ATRNL1: variants seen among roughly 807,000 people sequenced by gnomAD.
ATRNL1 encodes the protein attractin-like protein 1.
A neutral mutation model predicts 182.7 loss-of-function variants in ATRNL1; 95 were observed. The observed-to-expected ratio is 0.52, with a 90% confidence interval of 0.44 to 0.62. The LOEUF (loss-of-function observed/expected upper bound fraction) is 0.62. ATRNL1 is among the 20% of genes least tolerant of loss of function. The pLI is 0.00. For synonymous variants in ATRNL1, 576 were observed against 568.3 expected (o/e 1.01, Z -0.19); for missense variants, 1,471 against 1,679.5 (o/e 0.88, Z 2.17).
At chr10:115,143,832 T>A (rs888011511) in intron 5 of ATRNL1, among the ~76,000 whole-genome samples, 1 of 152,214 alleles carries the variant, frequency 6.6e-6, no homozygotes, top group Admixed American at 6.5e-5. Context: ...GATCTCACCA[T>A]GAGGACCCTA....
intron 19 of ATRNL1, among the ~76,000 whole-genome samples, chr10:115,349,413 A>G (rs550151646): frequency 2.0e-5 from 3 of 152,388 alleles, no homozygotes; most frequent in Admixed American, 2.0e-4. Context: ...ATAATGCTGC[A>G]ATAATCATGG....
chr10:115,385,927 G>A (rs1554952510), intron 19 of ATRNL1, among the ~76,000 whole-genome samples: 2 of 151,992 alleles, frequency 1.3e-5, no homozygotes, highest in Admixed American at 6.6e-5. Context: ...ACTCTCTTTG[G>A]CCTAATGTCA....
Position 115,186,219 on chromosome 10 carries a change from C to T in ATRNL1, c.1348+14927C>T, listed in dbSNP as rs1034719482. Among the ~76,000 whole-genome samples, 24 of 150,858 alleles carry T rather than the reference C, an allele frequency of 1.6e-4. 1 individual carries two copies. The highest frequency in any genetic ancestry group is 1.6e-3 in the Admixed American group (24 of 15,122). On this transcript the variant is annotated intron_variant, in intron 8 of 28. Coordinates refer to ENST00000355044, the MANE Select transcript of ATRNL1 (RefSeq NM_207303.4). The stretch of plus-strand genomic sequence containing the variant: ...ACATACAAATGATGAGAAACACTGG[C>T]GAGGATGTGGAGAAAAGGGAGCCCT...
At chr10:115,338,109 C>T (rs1855578128) in intron 19 of ATRNL1, among the ~76,000 whole-genome samples, 1 of 152,126 alleles carries the variant, frequency 6.6e-6, no homozygotes, top group Non-Finnish European at 1.5e-5. Context: ...TAGACTGGTA[C>T]CAGTCCATAC....
intron 28 of ATRNL1, among the ~76,000 whole-genome samples, chr10:115,890,163 G>A (rs924287478): frequency 4.6e-5 from 7 of 152,162 alleles, no homozygotes; most frequent in South Asian, 2.1e-4. Flanking sequence ...AGAAGCCCTC[G>A]TAAGCCTTAT....
At chr10:115,834,347 G>A (rs1950622447) in intron 27 of ATRNL1, among the ~76,000 whole-genome samples, 1 of 152,086 alleles carries the variant, frequency 6.6e-6, no homozygotes, top group South Asian at 2.1e-4. Context: ...TTCTCTAATG[G>A]TGGGATTATA....
chr10:115,625,127 C>T (rs1250450531), intron 26 of ATRNL1, among the ~76,000 whole-genome samples: 1 of 152,064 alleles, frequency 6.6e-6, no homozygotes, highest in Non-Finnish European at 1.5e-5. Context: ...GGTTTTATAA[C>T]AGTGTCTTAT....
At chr10:115,851,698 C>T (rs1951060436) in intron 28 of ATRNL1, among the ~76,000 whole-genome samples, 1 of 152,104 alleles carries the variant, frequency 6.6e-6, no homozygotes, top group South Asian at 2.1e-4. Flanking sequence ...ATTAGGTTTC[C>T]TGCTTCCCCG....
chr10:115,437,742 C>A (rs568538672), intron 21 of ATRNL1, among the ~76,000 whole-genome samples: 112 of 152,068 alleles, frequency 7.4e-4, no homozygotes, highest in African/African-American at 2.6e-3. Flanking sequence ...ATATGGGAAT[C>A]TGACTTTTGA....
At chr10:115,570,571 A>G (rs1205935300) in intron 26 of ATRNL1, among the ~76,000 whole-genome samples, 1 of 152,134 alleles carries the variant, frequency 6.6e-6, no homozygotes, top group African/African-American at 2.4e-5. Context: ...TTTTGTGTAT[A>G]CTATTAGCTT....
intron 10 of ATRNL1, among the ~76,000 whole-genome samples, chr10:115,245,499 C>CAAAAAAAAAAAA (rs35541977): frequency 2.7e-5 from 2 of 72,904 alleles, no homozygotes. Context: ...CACTCCGTCT[C>CAAAAAAAAAAAA]AAAAAAAAAA....
chr10:115,246,393 C>A (rs541498683), intron 10 of ATRNL1, among the ~76,000 whole-genome samples: 2 of 152,116 alleles, frequency 1.3e-5, no homozygotes, highest in South Asian at 2.1e-4. Flanking sequence ...GTGAGACATT[C>A]AAAAATAGTT....
Position 115,697,091 on chromosome 10 carries a change from T to G in ATRNL1, c.3796-30157T>G, listed in dbSNP as rs183160592. Among the ~76,000 whole-genome samples, 12 of 152,282 alleles carry G rather than the reference T, an allele frequency of 7.9e-5. No homozygotes were observed. The East Asian group carries it at 2.3e-3, about 30-fold the overall frequency. On this transcript the variant is annotated intron_variant, in intron 26 of 28. Transcript: ENST00000355044. ...GGTGGGAACACAAAGCCAAACTATA[T>G]GATAGCCATTCTGACTGTTGTGAGA...
chr10:115,521,138 T>TTTGTTGTTGTTG (rs68061119), intron 25 of ATRNL1, among the ~76,000 whole-genome samples: 4,698 of 149,028 alleles, frequency 0.032, 222 homozygotes, highest in African/African-American at 0.1. Context: ...TAAAACAACT[T>TTTGTTGTTGTTG]TTGTTGTTGT....
intron 28 of ATRNL1, among the ~76,000 whole-genome samples, chr10:115,874,209 C>T (rs569629462): frequency 1.8e-4 from 28 of 152,254 alleles, no homozygotes; most frequent in African/African-American, 6.3e-4. Context: ...TACTCTATGG[C>T]TTTCTTAGAA....
chr10:115,235,525 T>C (rs539669702), intron 9 of ATRNL1, among the ~76,000 whole-genome samples: 1 of 152,190 alleles, frequency 6.6e-6, no homozygotes, highest in African/African-American at 2.4e-5. Context: ...TTGTAATTTT[T>C]TTTTTCCAGA....
intron 19 of ATRNL1, among the ~76,000 whole-genome samples, chr10:115,375,941 A>C: frequency 6.6e-6 from 1 of 152,244 alleles, no homozygotes; most frequent in East Asian, 1.9e-4. Flanking sequence ...TTATATTTTC[A>C]TATTTTTAAT....
chr10:115,764,655 G>A (rs947181963), intron 27 of ATRNL1, among the ~76,000 whole-genome samples: 5 of 151,868 alleles, frequency 3.3e-5, no homozygotes, highest in Non-Finnish European at 5.9e-5. Context: ...AGTTTCCTCC[G>A]TGTCTTTTTT....
chr10:115,531,159 G>C (rs545736266), intron 25 of ATRNL1, among the ~76,000 whole-genome samples: 2 of 151,922 alleles, frequency 1.3e-5, no homozygotes, highest in East Asian at 3.9e-4. Flanking sequence ...GGGATGGCTG[G>C]GTCAAATGGT....
Sources: gnomAD v4.1 joint callset for allele counts (sites outside exome capture counted in the v4.1 genomes callset) on GRCh38, gnomAD v4.1.1 for gene constraint, MANE v1.5 for transcripts, NCBI Gene and HGNC (gene_info 2026-07-23, HGNC 2026-07-21) for gene names.